Variants in GSE1 observed in about 807,000 individuals in gnomAD.
GSE1 encodes the protein genetic suppressor element 1.
GSE1 carries 32 observed loss-of-function variants against 112.6 expected under a neutral mutation model. That is an observed-to-expected ratio of 0.28 (90% CI 0.21 to 0.38). GSE1 has a LOEUF of 0.38. GSE1 is among the 10% of genes least tolerant of loss of function. The pLI, the probability that GSE1 is intolerant of heterozygous loss-of-function variation, is 1.00. For synonymous variants in GSE1, 1,115 were observed against 735.6 expected (o/e 1.52, Z -8.35); for missense variants, 2,348 against 1,699.2 (o/e 1.38, Z -6.71).
chr16:85,189,235 A>G (rs1165412387), intron 1 of GSE1, among the ~76,000 whole-genome samples: 1 of 152,226 alleles, frequency 6.6e-6, no homozygotes, highest in Non-Finnish European at 1.5e-5. Context: ...ATCTGTATGT[A>G]GCATTTTTGA....
chr16:85,226,956 C>T (rs1314956365), intron 1 of GSE1, among the ~76,000 whole-genome samples: 4 of 152,054 alleles, frequency 2.6e-5, no homozygotes, highest in African/African-American at 9.7e-5. Context: ...AGTCAGGTAG[C>T]GGCCATCCCC....
chr16:85,440,754 C>T (rs2049356431), intron 2 of GSE1, among the ~76,000 whole-genome samples: 1 of 152,216 alleles, frequency 6.6e-6, no homozygotes, highest in Non-Finnish European at 1.5e-5. Flanking sequence ...CTGGAATATG[C>T]CCGTGGAGGT....
Position 85,663,423 on chromosome 16 carries a change from G to A in GSE1, c.2453G>A (p.Arg818Gln), listed in dbSNP as rs373752278. Residue 818 changes from arginine (R) to glutamine (Q), a missense_variant, in exon 11 of 16, where the codon CGG (arginine) becomes CAG (glutamine). Transcript: ENST00000253458. ...EELVAQKRRK[R>Q]RRMLRERSPS... The stretch of plus-strand genomic sequence containing the variant: ...TTGGTGGCCCAGAAGCGGAGGAAGC[G>A]GCGGAGGATGCTGCGAGAGAGAAGC... The A allele has an allele frequency of 3.1e-6, 5 of 1,613,742 alleles. No individual in the cohort carries two copies. Among genetic ancestry groups the A allele is most frequent in the East Asian group, 2.2e-5 (1 of 44,894 alleles).
intron 2 of GSE1, among the ~76,000 whole-genome samples, chr16:85,421,582 G>A (rs375862648): frequency 6.6e-6 from 1 of 152,224 alleles, no homozygotes; most frequent in Non-Finnish European, 1.5e-5. Context: ...CAGGCGGGGA[G>A]GAGAAGGCAG....
intron 2 of GSE1, among the ~76,000 whole-genome samples, chr16:85,382,597 G>A (rs1465068508): frequency 6.6e-6 from 1 of 152,180 alleles, no homozygotes; most frequent in East Asian, 1.9e-4. Context: ...CCCACACCCG[G>A]AGATGCTGGG....
At chr16:85,383,932 G>A (rs1236742682) in intron 2 of GSE1, among the ~76,000 whole-genome samples, 3 of 152,190 alleles carry the variant, frequency 2.0e-5, no homozygotes, top group Non-Finnish European at 4.4e-5. Context: ...AGGAGCTGCT[G>A]TCCTCAATCC....
At chr16:85,516,879 G>A (rs1042734533) in intron 2 of GSE1, among the ~76,000 whole-genome samples, 1 of 148,650 alleles carries the variant, frequency 6.7e-6, no homozygotes, top group Admixed American at 6.9e-5. Context: ...CTTACTGCAA[G>A]CTCCGCCTCC....
At chr16:85,404,909 A>G (rs867171494) in intron 2 of GSE1, among the ~76,000 whole-genome samples, 6 of 30,290 alleles carry the variant, frequency 2.0e-4, no homozygotes, top group African/African-American at 1.4e-3. Context: ...GATAATCCTC[A>G]CTGTTACTCT....
At chr16:85,421,045 C>G (rs554912160) in intron 2 of GSE1, among the ~76,000 whole-genome samples, 24 of 152,328 alleles carry the variant, frequency 1.6e-4, no homozygotes, top group African/African-American at 5.8e-4. Flanking sequence ...ATAACAGAGC[C>G]TACTGTTATT....
chr16:85,577,553 C>G lies in GSE1; in HGVS notation c.37+21190C>G, dbSNP rs148376898. ...TGCATGGGCTCATTTCTCCTTCGCACTAGCCCAGGAGGCAGCGCTGCGATT... is the reference window on the plus strand; with the variant it reads ...TGCATGGGCTCATTTCTCCTTCGCAGTAGCCCAGGAGGCAGCGCTGCGATT... On this transcript the variant is annotated intron_variant, in intron 1 of 2. Transcript: ENST00000635906. 3.1e-3 allele frequency among the ~76,000 whole-genome samples: 478 copies of G among 152,300 alleles called. 3 individuals are homozygous for G. The highest frequency in any genetic ancestry group is 0.011 in the African/African-American group (448 of 41,574).
At chr16:85,328,696 A>T (rs1410557773) in intron 1 of GSE1, among the ~76,000 whole-genome samples, 1 of 152,114 alleles carries the variant, frequency 6.6e-6, no homozygotes, top group Non-Finnish European at 1.5e-5. Context: ...TTGGAGAGAG[A>T]CAACGGGGCT....
At chr16:85,214,183 C>T (rs190249646) in intron 1 of GSE1, among the ~76,000 whole-genome samples, 24 of 152,316 alleles carry the variant, frequency 1.6e-4, no homozygotes, top group Admixed American at 3.9e-4. Context: ...GGCCTCCGCT[C>T]ACCCACGAGA....
intron 1 of GSE1, among the ~76,000 whole-genome samples, chr16:85,338,942 G>A (rs2151535075): frequency 6.6e-6 from 1 of 152,374 alleles, no homozygotes; most frequent in Non-Finnish European, 1.5e-5. Context: ...CCCGCAGCAG[G>A]CAGAAGCATG....
At chr16:85,169,667 A>G in exon 1 of GSE1, 2 of 983,200 alleles carry the variant, frequency 2.0e-6, no homozygotes, top group Non-Finnish European at 2.4e-6. Flanking sequence ...CTGCAGGTGA[A>G]GCAGCCGGCG....
chr16:85,238,772 G>T (rs376549288), intron 1 of GSE1, among the ~76,000 whole-genome samples: 2 of 152,138 alleles, frequency 1.3e-5, no homozygotes, highest in African/African-American at 4.8e-5. Context: ...GGGGGCTCCT[G>T]TTCTTTCCAC....
At chr16:85,248,514 C>T (rs1906112857) in intron 1 of GSE1, among the ~76,000 whole-genome samples, 1 of 151,672 alleles carries the variant, frequency 6.6e-6, no homozygotes, top group African/African-American at 2.4e-5. Context: ...CTCTTCCTCC[C>T]TCTTTGCCTC....
intron 2 of GSE1, among the ~76,000 whole-genome samples, chr16:85,549,866 T>C (rs2044841544): frequency 6.6e-6 from 1 of 152,158 alleles, no homozygotes; most frequent in Non-Finnish European, 1.5e-5. Context: ...AAGTGGGTGA[T>C]GGTCACTGTG....
intron 1 of GSE1, among the ~76,000 whole-genome samples, chr16:85,338,155 G>C (rs940230452): frequency 2.6e-5 from 4 of 152,240 alleles, no homozygotes; most frequent in African/African-American, 9.6e-5. Flanking sequence ...GCCCACGGCA[G>C]GGCAGGGCAG....
chr16:85,503,653 G>A (rs145901467), intron 2 of GSE1, among the ~76,000 whole-genome samples: 313 of 152,170 alleles, frequency 2.1e-3, no homozygotes, highest in Admixed American at 3.5e-3. Flanking sequence ...CTTAACTGTC[G>A]GGGCTGAACT....
Sources: gnomAD v4.1 joint callset for allele counts (sites outside exome capture counted in the v4.1 genomes callset) on GRCh38, gnomAD v4.1.1 for gene constraint, MANE v1.5 for transcripts, NCBI Gene and HGNC (gene_info 2026-07-23, HGNC 2026-07-21) for gene names.